Variants in CDH4 observed in about 807,000 individuals in gnomAD.
CDH4 encodes the protein cadherin 4.
Under a neutral mutation model 86.0 loss-of-function variants are expected in CDH4, and 33 were observed. The ratio of observed to expected loss-of-function variants is 0.38; its 90% CI spans 0.29 to 0.51. CDH4 has a LOEUF of 0.51. Ranked by LOEUF, CDH4 falls within the 20% of genes least tolerant of loss-of-function variation. CDH4 has a pLI of 0.86. For synonymous variants in CDH4, 555 were observed against 549.4 expected (o/e 1.01, Z -0.14); for missense variants, 1,114 against 1,307.4 (o/e 0.85, Z 2.28).
chr20:61,390,428 G>A (rs373851858), intron 2 of CDH4, among the ~76,000 whole-genome samples: 1 of 139,472 alleles, frequency 7.2e-6, no homozygotes, highest in East Asian at 2.1e-4. Context: ...GCGGTCATAG[G>A]GTGCCCATAG....
chr20:61,422,571 T>C (rs1209972269), intron 2 of CDH4, among the ~76,000 whole-genome samples: 1 of 151,058 alleles, frequency 6.6e-6, no homozygotes, highest in Admixed American at 6.6e-5. Flanking sequence ...ATACTAAGGG[T>C]GCATGCCAGA....
chr20:61,745,201 C>T (rs2088399301), intron 3 of CDH4, among the ~76,000 whole-genome samples: 1 of 152,210 alleles, frequency 6.6e-6, no homozygotes. Flanking sequence ...AAGCAGATTC[C>T]TTTCCGTGGG....
At chr20:61,487,801 G>A (rs907117643) in intron 2 of CDH4, among the ~76,000 whole-genome samples, 30 of 152,164 alleles carry the variant, frequency 2.0e-4, no homozygotes, top group African/African-American at 6.5e-4. Flanking sequence ...TTGTCAACAC[G>A]CCAGTCTGCT....
Position 61,928,380 on chromosome 20 carries a change from C to T in CDH4, c.1962C>T (p.Val654=). 2 of 1,611,934 alleles carry T rather than the reference C, an allele frequency of 1.2e-6. No individual in the cohort carries two copies. The highest frequency in any genetic ancestry group is 1.7e-6 in the Non-Finnish European group (2 of 1,180,002). The part of the protein sequence containing the change: ...IGPYVFELPF[V]PAAVRKNWTI... The stretch of plus-strand genomic sequence containing the variant: ...CCTACGTCTTCGAGCTGCCCTTTGT[C>T]CCGGCGGCCGTGCGGAAGAACTGGA... Residue 654 remains valine (V), a synonymous_variant, in exon 12 of 16, where the codon GTC becomes GTT. Transcript: ENST00000614565.
chr20:61,330,471 G>A (rs2123260756), intron 2 of CDH4, among the ~76,000 whole-genome samples: 1 of 152,356 alleles, frequency 6.6e-6, no homozygotes, highest in East Asian at 1.9e-4. Context: ...GATCAGTGAT[G>A]TTGAGCTTAG....
At chr20:61,893,629 T>G (rs1307614011) in intron 7 of CDH4, among the ~76,000 whole-genome samples, 1 of 131,032 alleles carries the variant, frequency 7.6e-6, no homozygotes, top group Admixed American at 7.7e-5. Flanking sequence ...GTGGATGGGT[T>G]GGTGAGTGGT....
At chr20:61,266,772 G>A (rs556888260) in intron 2 of CDH4, among the ~76,000 whole-genome samples, 8 of 152,178 alleles carry the variant, frequency 5.3e-5, no homozygotes, top group East Asian at 1.9e-4. Context: ...CGCCAGCCCC[G>A]TGGGTCCTAT....
Position 61,582,821 on chromosome 20 carries a change from G to A in CDH4, c.170-160742G>A, listed in dbSNP as rs1020888767. On this transcript the variant is annotated intron_variant, in intron 2 of 15. Coordinates refer to ENST00000614565, the MANE Select transcript of CDH4 (RefSeq NM_001794.5). The surrounding 1 kb of genome is among the most constrained non-coding windows in gnomAD (Gnocchi z 4.2). ...GCCCTACACTCCACTCATCTAAGCT[G>A]TGCAAATCAACGATGTCTACATTCA... Among the ~76,000 whole-genome samples the A allele has an allele frequency of 1.1e-4, 16 of 152,148 alleles. No homozygotes were observed. Among genetic ancestry groups the A allele is most frequent in the African/African-American group, 3.4e-4 (14 of 41,424 alleles).
chr20:61,867,406 C>T (rs1180236158), intron 6 of CDH4, among the ~76,000 whole-genome samples: 1 of 152,066 alleles, frequency 6.6e-6, no homozygotes, highest in African/African-American at 2.4e-5. Flanking sequence ...AAAAATTAGT[C>T]GGGCATGTTG....
At chr20:61,652,431 T>G (rs926803236) in intron 2 of CDH4, among the ~76,000 whole-genome samples, 1 of 152,216 alleles carries the variant, frequency 6.6e-6, no homozygotes, top group South Asian at 2.1e-4. Context: ...AATGACTGAA[T>G]TCACCATTAT....
At position 61,810,445 on chromosome 20, in the gene CDH4, C is replaced by T. The variant is rs559961505; in HGVS notation, c.577-34223C>T. Among the ~76,000 whole-genome samples the T allele has an allele frequency of 1.3e-5, 2 of 152,216 alleles. No individual in the cohort carries two copies. The highest frequency in any genetic ancestry group is 6.5e-5 in the Admixed American group (1 of 15,288). ...GGGTTCTCAGACCCAAGTTCTGACC[C>T]GGGTTCTCAGACCCAAGTTCTGACC... On this transcript the variant is annotated intron_variant, in intron 4 of 15. Coordinates refer to ENST00000614565, the MANE Select transcript of CDH4 (RefSeq NM_001794.5). The surrounding 1 kb of genome is among the most constrained non-coding windows in gnomAD (Gnocchi z 4.3).
intron 2 of CDH4, among the ~76,000 whole-genome samples, chr20:61,463,485 C>T (rs1009428470): frequency 1.3e-5 from 2 of 152,234 alleles, no homozygotes; most frequent in African/African-American, 4.8e-5. Flanking sequence ...CAGGAGTGGA[C>T]TCAGAATCCT....
At chr20:61,746,342 G>A (rs181871618) in intron 3 of CDH4, among the ~76,000 whole-genome samples, 8 of 152,274 alleles carry the variant, frequency 5.3e-5, no homozygotes, top group African/African-American at 1.4e-4. Context: ...CAGGAGACCC[G>A]GTCCTCCAGC....
chr20:61,852,937 GC>G, intron 6 of CDH4, 39 bp downstream of exon 6: 1 of 1,609,112 alleles, frequency 6.2e-7, no homozygotes, highest in Non-Finnish European at 8.5e-7. Flanking sequence ...GACCCTGTGG[GC>G]TCTGCGGGTG....
At chr20:61,374,465 C>T (rs1268108069) in intron 2 of CDH4, among the ~76,000 whole-genome samples, 1 of 152,262 alleles carries the variant, frequency 6.6e-6, no homozygotes, top group East Asian at 1.9e-4. Context: ...ATCTCGGGTC[C>T]TGGTGCTCCA....
intron 2 of CDH4, among the ~76,000 whole-genome samples, chr20:61,720,726 C>T (rs868281860): frequency 1.3e-5 from 2 of 152,008 alleles, no homozygotes; most frequent in Non-Finnish European, 2.9e-5. Flanking sequence ...CACACAGGCT[C>T]CTCCCTATTC....
At chr20:61,694,105 G>A (rs1181575653) in intron 2 of CDH4, among the ~76,000 whole-genome samples, 1 of 151,984 alleles carries the variant, frequency 6.6e-6, no homozygotes. Flanking sequence ...TGTTGGCCAG[G>A]TTGGTCTTGA....
At chr20:61,710,463 G>C (rs1278718849) in intron 2 of CDH4, among the ~76,000 whole-genome samples, 1 of 152,228 alleles carries the variant, frequency 6.6e-6, no homozygotes, top group Non-Finnish European at 1.5e-5. Flanking sequence ...CTGCGGCAGA[G>C]CCCCCCTCCT....
chr20:61,477,474 G>A (rs1458342000), intron 2 of CDH4, among the ~76,000 whole-genome samples: 1 of 152,222 alleles, frequency 6.6e-6, no homozygotes, highest in East Asian at 1.9e-4. Flanking sequence ...CTCATGATGG[G>A]TAGCTGCAGG....
Sources: gnomAD v4.1 joint callset for allele counts (sites outside exome capture counted in the v4.1 genomes callset) on GRCh38, gnomAD v4.1.1 for gene constraint, Gnocchi (gnomAD v3.1) non-coding constraint, MANE v1.5 for transcripts, NCBI Gene and HGNC (gene_info 2026-07-23, HGNC 2026-07-21) for gene names.